Variants in RYR2 observed in about 807,000 individuals in gnomAD.
RYR2 encodes the protein ryanodine receptor 2.
Under a neutral mutation model 601.1 loss-of-function variants are expected in RYR2, and 227 were observed. The ratio of observed to expected loss-of-function variants is 0.38; its 90% CI spans 0.34 to 0.42. The LOEUF (loss-of-function observed/expected upper bound fraction) is 0.42, where lower values mean the gene tolerates loss of function less well. RYR2 is among the 10% of genes least tolerant of loss of function. RYR2 has a pLI of 1.00. For synonymous variants in RYR2, 2,223 were observed against 2,175.1 expected (o/e 1.02, Z -0.61); for missense variants, 4,646 against 6,156.5 (o/e 0.75, Z 8.21).
chr1:237,771,987 A>T, intron 85 of RYR2, 25 bp from the exon 86 acceptor site: 2 of 1,327,496 alleles, frequency 1.5e-6, no homozygotes, highest in Non-Finnish European at 2.1e-6. Context: ...AGCAAGCATT[A>T]ATAACATTTT....
In RYR2 at chr1:237,227,118, T is replaced by C. The variant is rs116691192; in HGVS notation, c.49-43379T>C. 6.7e-3 allele frequency among the ~76,000 whole-genome samples: 1,026 copies of C among 152,056 alleles called. 9 individuals carry two copies. The highest frequency in any genetic ancestry group is 0.023 in the African/African-American group (969 of 41,468). Reference sequence around the variant, plus strand: ...ACAGTTATGCATAGAGATCGAAAAATGTTGGTCAGAGGGCACAAAGCTTTA... The same window carrying C: ...ACAGTTATGCATAGAGATCGAAAAACGTTGGTCAGAGGGCACAAAGCTTTA... On this transcript the variant is annotated intron_variant, in intron 1 of 104. Coordinates refer to ENST00000366574, the MANE Select transcript of RYR2 (RefSeq NM_001035.3).
intron 63 of RYR2, among the ~76,000 whole-genome samples, chr1:237,693,857 C>A (rs1473927755): frequency 6.6e-6 from 1 of 152,108 alleles, no homozygotes; most frequent in Non-Finnish European, 1.5e-5. Context: ...GTTGATACTT[C>A]TAATATCTCT....
rs1695430808 is a variant in RYR2, at chr1:237,784,981, T to C, written c.13260+9T>C. 1 of 1,551,756 alleles carries C rather than the reference T, an allele frequency of 6.4e-7. No individual in the cohort carries two copies. The highest frequency in any genetic ancestry group is 1.4e-5 in the African/African-American group (1 of 73,656). On this transcript the variant is annotated intron_variant, in intron 90 of 104. Transcript: ENST00000366574. This position sits in a 1 kb window ranked among gnomAD's most constrained non-coding sequence, Gnocchi z 7.1. ...TGCAGGAAAAATTTCAGGTAATTTA[T>C]CTCTAAGTCACAGCAGCATTCTCTC...
At chr1:237,073,767 A>T (rs980020193) in intron 1 of RYR2, among the ~76,000 whole-genome samples, 1 of 149,238 alleles carries the variant, frequency 6.7e-6, no homozygotes, top group Non-Finnish European at 1.5e-5. Flanking sequence ...GCTACTCAGG[A>T]GGCTGAGGCA....
intron 99 of RYR2, 59 bp downstream of exon 99, chr1:237,806,342 A>G (rs1660632781): frequency 6.6e-7 from 1 of 1,511,156 alleles, no homozygotes; most frequent in Non-Finnish European, 9.0e-7. Context: ...AATAAAACAA[A>G]GAAAAATAAA....
intron 2 of RYR2, among the ~76,000 whole-genome samples, chr1:237,320,554 A>G (rs1005712013): frequency 1.3e-5 from 2 of 152,224 alleles, no homozygotes; most frequent in Non-Finnish European, 2.9e-5. Flanking sequence ...TCAGAGTCAC[A>G]TCTCACAAAT....
chr1:237,415,869 G>A (rs923482715), intron 10 of RYR2, among the ~76,000 whole-genome samples: 2 of 152,186 alleles, frequency 1.3e-5, no homozygotes, highest in African/African-American at 2.4e-5. Context: ...TTTCAGAGTT[G>A]CATGTGGAGG....
intron 25 of RYR2, among the ~76,000 whole-genome samples, chr1:237,538,797 A>C (rs1668948684): frequency 6.6e-6 from 1 of 151,984 alleles, no homozygotes; most frequent in Non-Finnish European, 1.5e-5. Flanking sequence ...AAAAAATAAA[A>C]ATTTGATAAA....
intron 2 of RYR2, among the ~76,000 whole-genome samples, chr1:237,281,758 T>C (rs1311401689): frequency 6.6e-6 from 1 of 152,190 alleles, no homozygotes; most frequent in African/African-American, 2.4e-5. Flanking sequence ...TGAGGGCTTA[T>C]TGCAAACAGG....
chr1:237,516,411 G>A (rs2147817822), intron 24 of RYR2, among the ~76,000 whole-genome samples: 1 of 152,258 alleles, frequency 6.6e-6, no homozygotes, highest in East Asian at 1.9e-4. Context: ...GAGCCACTGT[G>A]CCTGGCCAAT....
intron 73 of RYR2, among the ~76,000 whole-genome samples, chr1:237,722,149 A>G (rs1689778455): frequency 6.6e-6 from 1 of 152,186 alleles, no homozygotes; most frequent in Admixed American, 6.5e-5. Flanking sequence ...AAAAGTAAAC[A>G]TAGAAATCTT....
intron 71 of RYR2, among the ~76,000 whole-genome samples, chr1:237,713,534 C>A (rs1386716694): frequency 6.6e-6 from 1 of 151,906 alleles, no homozygotes; most frequent in African/African-American, 2.4e-5. Flanking sequence ...GTAGCTGGGA[C>A]TATACAGGCG....
chr1:237,345,875 T>G (rs1250325826), intron 3 of RYR2, among the ~76,000 whole-genome samples: 1 of 152,170 alleles, frequency 6.6e-6, no homozygotes, highest in East Asian at 1.9e-4. Context: ...TCTTGACTAT[T>G]TATCTCCCAA....
chr1:237,447,185 A>G lies in RYR2; in HGVS notation c.1292+1663A>G, dbSNP rs117039799. 5.3e-3 allele frequency among the ~76,000 whole-genome samples: 812 copies of G among 152,328 alleles called. 19 individuals carry two copies. In the East Asian group the frequency reaches 0.079, roughly 15 times the overall value. ...AGATACCATTTGGTAGGTTAATTTAATACTAGACCAAAAACTGGTTATTTG... is the reference window on the plus strand; with the variant it reads ...AGATACCATTTGGTAGGTTAATTTAGTACTAGACCAAAAACTGGTTATTTG... On this transcript the variant is annotated intron_variant, in intron 14 of 104. Transcript: ENST00000366574.
chr1:237,074,924 C>T (rs759821465), intron 1 of RYR2, among the ~76,000 whole-genome samples: 1 of 152,122 alleles, frequency 6.6e-6, no homozygotes, highest in Non-Finnish European at 1.5e-5. Flanking sequence ...GGTAGAAATA[C>T]TGAACATGCA....
intron 23 of RYR2, among the ~76,000 whole-genome samples, chr1:237,511,314 A>G (rs922620938): frequency 2.0e-5 from 3 of 151,270 alleles, no homozygotes; most frequent in Non-Finnish European, 2.9e-5. Context: ...AAAAAAAAAA[A>G]AGAGTAAGCT....
At chr1:237,453,557 A>G (rs1404010925) in intron 14 of RYR2, among the ~76,000 whole-genome samples, 1 of 152,186 alleles carries the variant, frequency 6.6e-6, no homozygotes, top group Non-Finnish European at 1.5e-5. Context: ...TGGAAGTGTA[A>G]TATTTCTATG....
Position 237,503,303 on chromosome 1 carries a change from T to C in RYR2, c.2411T>C (p.Leu804Pro). 6.2e-7 allele frequency: 1 copy of C among 1,609,332 alleles called. No homozygotes were observed. ...FSAGIKVRFLLGGRHGEFKFL... is the reference protein window; with the variant it reads ...FSAGIKVRFLPGGRHGEFKFL... ...ATCCTCTTTAGAGTACGCTTTCTGC[T>C]TGGAGGGCGACATGGAGAATTCAAA... The change falls in exon 22 of 105, where the codon CTT (leucine) becomes CCT (proline). Residue 804 changes from leucine (L) to proline (P), a missense_variant. Around this residue, in one of 17 missense-constraint regions of RYR2, gnomAD observed 1,807 missense variants for 2,088.1 expected, o/e 0.87. Coordinates refer to ENST00000366574, the MANE Select transcript of RYR2 (RefSeq NM_001035.3).
intron 1 of RYR2, among the ~76,000 whole-genome samples, chr1:237,110,372 G>A (rs141681813): frequency 0.017 from 2,571 of 151,260 alleles, 43 homozygotes; most frequent in Non-Finnish European, 0.03. Flanking sequence ...CCATTAACTC[G>A]TCATTTAGCA....
Sources: allele counts gnomAD v4.1 joint callset (sites outside exome capture counted in the v4.1 genomes callset), GRCh38; gene constraint gnomAD v4.1.1; regional missense constraint gnomAD v4.1.1; non-coding constraint Gnocchi (gnomAD v3.1); transcripts MANE v1.5; gene names NCBI Gene and HGNC (gene_info 2026-07-23, HGNC 2026-07-21).